ZFPM1: variants seen among roughly 807,000 people sequenced by gnomAD.
ZFPM1 encodes the protein zinc finger protein ZFPM1.
Under a neutral mutation model 46.3 loss-of-function variants are expected in ZFPM1, and 28 were observed. The ratio of observed to expected loss-of-function variants is 0.60; its 90% CI spans 0.45 to 0.83. The LOEUF (loss-of-function observed/expected upper bound fraction) is 0.83. ZFPM1 is among the 40% of genes least tolerant of loss of function. ZFPM1 has a pLI of 0.00. For missense variants in ZFPM1, 1,878 were observed against 1,432.4 expected (o/e 1.31, Z -5.02); for synonymous variants, 957 against 675.9 (o/e 1.42, Z -6.45).
intron 5 of ZFPM1, 87 bp downstream of exon 5, chr16:88,527,003 C>T (rs1912390279): frequency 1.4e-6 from 2 of 1,479,766 alleles, no homozygotes; most frequent in South Asian, 2.7e-5. Flanking sequence ...TAAAGGGAAA[C>T]CAGCCTGCTA....
At chr16:88,511,373 C>T (rs1910952942) in intron 3 of ZFPM1, among the ~76,000 whole-genome samples, 1 of 152,254 alleles carries the variant, frequency 6.6e-6, no homozygotes, top group Admixed American at 6.5e-5. Context: ...CGCCGGGCCC[C>T]AGGCTTCCTG....
At chr16:88,505,250 G>A (rs1012031764) in intron 3 of ZFPM1, among the ~76,000 whole-genome samples, 1 of 152,180 alleles carries the variant, frequency 6.6e-6, no homozygotes, top group Non-Finnish European at 1.5e-5. Context: ...CCCTGAGCCT[G>A]CTGCTCCTTA....
intron 3 of ZFPM1, among the ~76,000 whole-genome samples, chr16:88,493,284 G>A (rs539942012): frequency 4.8e-4 from 70 of 147,040 alleles, no homozygotes; most frequent in Non-Finnish European, 8.5e-4. Context: ...GGAGTGAGGA[G>A]AGCTGTTCCG....
chr16:88,462,091 TGTG>T (rs1465231426), intron 1 of ZFPM1, among the ~76,000 whole-genome samples: 1 of 152,200 alleles, frequency 6.6e-6, no homozygotes, highest in East Asian at 1.9e-4. Context: ...GAGGCAGGAA[TGTG>T]GTGGCTGATC....
intron 3 of ZFPM1, chr16:88,512,902 G>A (rs1426153922): frequency 6.6e-6 from 1 of 152,282 alleles, no homozygotes; most frequent in Admixed American, 6.5e-5. Context: ...CCAGGCCTCT[G>A]GGTTTGGACC....
chr16:88,481,877 C>T (rs568683432), intron 1 of ZFPM1, among the ~76,000 whole-genome samples: 50 of 152,338 alleles, frequency 3.3e-4, no homozygotes, highest in African/African-American at 1.1e-3. Context: ...GCCCATTTCT[C>T]AAAACCTGTG....
intron 4 of ZFPM1, 51 bp from the exon 5 acceptor site, chr16:88,526,763 G>A (rs1411761130): frequency 5.2e-6 from 8 of 1,531,508 alleles, no homozygotes; most frequent in East Asian, 2.5e-5. Flanking sequence ...GGAACCCCCA[G>A]GCAGGCTGCT....
intron 1 of ZFPM1, among the ~76,000 whole-genome samples, chr16:88,483,007 T>A (rs868045672): frequency 7.2e-5 from 11 of 152,230 alleles, no homozygotes; most frequent in Admixed American, 2.0e-4. Flanking sequence ...GGGCCTCCTG[T>A]CCCAGGGGCA....
intron 3 of ZFPM1, among the ~76,000 whole-genome samples, chr16:88,498,993 C>T (rs950580568): frequency 6.6e-6 from 1 of 152,220 alleles, no homozygotes; most frequent in Admixed American, 6.5e-5. Flanking sequence ...TGCCTCTCCA[C>T]GCAAGGCCCT....
intron 3 of ZFPM1, among the ~76,000 whole-genome samples, chr16:88,493,858 A>T (rs59440851): frequency 0.047 from 7,178 of 152,166 alleles, 259 homozygotes; most frequent in South Asian, 0.11. Context: ...AAAAGTTCTG[A>T]GCTCTGTCTG....
At chr16:88,512,070 T>C (rs1348326407) in intron 3 of ZFPM1, among the ~76,000 whole-genome samples, 1 of 152,208 alleles carries the variant, frequency 6.6e-6, no homozygotes, top group Non-Finnish European at 1.5e-5. Context: ...TGGCAGTGTG[T>C]GATACCCATA....
intron 3 of ZFPM1, among the ~76,000 whole-genome samples, chr16:88,492,310 G>T (rs1411610502): frequency 1.3e-5 from 2 of 152,104 alleles, no homozygotes; most frequent in African/African-American, 4.8e-5. Flanking sequence ...CAATCCCAAG[G>T]GTGGGAAACA....
At chr16:88,455,275 C>A (rs534301145) in intron 1 of ZFPM1, among the ~76,000 whole-genome samples, 1 of 152,206 alleles carries the variant, frequency 6.6e-6, no homozygotes, top group South Asian at 2.1e-4. Flanking sequence ...AGCGAGAGCC[C>A]GTAGCCCAGC....
Position 88,453,628 on chromosome 16 carries a change from G to A in ZFPM1, c.-11G>A. 8.8e-7 allele frequency: 1 copy of A among 1,136,966 alleles called. No homozygotes were observed. The highest frequency in any genetic ancestry group is 1.1e-6 in the Non-Finnish European group (1 of 911,842). The allele number at this position is 1,136,966 out of a possible 1,614,324, so 70.4% of individuals were successfully genotyped here. A position where few individuals can be genotyped will look rare whatever the true frequency, so the allele number is the denominator to read the frequency against. The stretch of plus-strand genomic sequence containing the variant: ...GAGGCGGCCGCCGGGAGGGCGCGCG[G>A]CGCCGGAGACATGTCCAGGCGGAAA... On this transcript the variant is annotated 5_prime_UTR_variant, in exon 1 of 10. Coordinates refer to ENST00000319555, the MANE Select transcript of ZFPM1 (RefSeq NM_153813.3).
rs773830569 is a variant in ZFPM1 at position 88,532,198 on chromosome 16, C to T, written c.909C>T (p.Ser303=). ...PFPQCRKSCP[S]ASSLEIHMRS... ...CCCAGTGCCGCAAGAGCTGCCCCAG[C>T]GCCAGCTCCCTGGAGATCCACATGC... Residue 303 remains serine, a synonymous_variant, in exon 7 of 10, where the codon AGC becomes AGT. Coordinates refer to ENST00000319555, the MANE Select transcript of ZFPM1 (RefSeq NM_153813.3). 1.7e-4 allele frequency: 266 copies of T among 1,609,518 alleles called. No homozygotes were observed. Among genetic ancestry groups the T allele is most frequent in the Non-Finnish European group, 2.2e-4 (254 of 1,177,674 alleles).
Position 88,497,872 on chromosome 16 carries a change from G to A in ZFPM1, c.268+8719G>A, listed in dbSNP as rs868377340. Among the ~76,000 whole-genome samples, 5 of 152,198 alleles carry A rather than the reference G, an allele frequency of 3.3e-5. No homozygotes were observed. Among genetic ancestry groups the A allele is most frequent in the Non-Finnish European group, 4.4e-5 (3 of 68,020 alleles). Reference sequence around the variant, plus strand: ...ATCTGACTAATCTCGCCGGCGGAGCGTCTACGCAAACCTCAAGGCCTGCTA... The same window carrying A: ...ATCTGACTAATCTCGCCGGCGGAGCATCTACGCAAACCTCAAGGCCTGCTA... On this transcript the variant is annotated intron_variant, in intron 3 of 9. Coordinates refer to ENST00000319555, the MANE Select transcript of ZFPM1 (RefSeq NM_153813.3). This position sits in a 1 kb window ranked among gnomAD's most constrained non-coding sequence, Gnocchi z 5.4.
chr16:88,483,894 C>T (rs1261122440), intron 1 of ZFPM1, among the ~76,000 whole-genome samples: 3 of 152,194 alleles, frequency 2.0e-5, no homozygotes, highest in African/African-American at 4.8e-5. Flanking sequence ...CATGGAACGG[C>T]GGGGTCAGCC....
At chr16:88,499,493 G>A (rs892966947) in intron 3 of ZFPM1, among the ~76,000 whole-genome samples, 1 of 152,144 alleles carries the variant, frequency 6.6e-6, no homozygotes, top group Non-Finnish European at 1.5e-5. Flanking sequence ...AGCTGACTTT[G>A]GGAGCAGCGA....
intron 3 of ZFPM1, among the ~76,000 whole-genome samples, chr16:88,490,154 C>T (rs756287715): frequency 6.6e-6 from 1 of 151,928 alleles, no homozygotes; most frequent in African/African-American, 2.4e-5. Context: ...CCCAGGTTCA[C>T]GCCATTCTCC....
Sources: allele counts gnomAD v4.1 joint callset (sites outside exome capture counted in the v4.1 genomes callset), GRCh38; gene constraint gnomAD v4.1.1; non-coding constraint Gnocchi (gnomAD v3.1); transcripts MANE v1.5; gene names NCBI Gene and HGNC (gene_info 2026-07-23, HGNC 2026-07-21).